The following SCFD2 variants were observed in gnomAD, a reference collection of about 807,000 sequenced individuals.
SCFD2 encodes sec1 family domain-containing protein 2.
Under a neutral mutation model 58.9 loss-of-function variants are expected in SCFD2, and 54 were observed. The ratio of observed to expected loss-of-function variants is 0.92; its 90% confidence interval spans 0.74 to 1.15. SCFD2 has a LOEUF of 1.15. SCFD2 is among the 50% of genes most tolerant of loss of function. The probability of loss-of-function intolerance (pLI) is 0.00; values close to 1 mark genes in which losing one functional copy is unlikely to be tolerated. For missense variants in SCFD2, 805 were observed against 836.6 expected, an observed-to-expected ratio of 0.96 and a Z score of 0.47; for synonymous variants, 321 against 335.9, an observed-to-expected ratio of 0.96 and a Z score of 0.49.
intron 4 of SCFD2, among the ~76,000 whole-genome samples, chr4:53,245,599 G>A (rs1002958509): frequency 6.6e-6 from 1 of 151,998 alleles, no homozygotes; most frequent in Non-Finnish European, 1.5e-5. Flanking sequence ...GGTATTGAAG[G>A]AATATACCTC....
At position 52,959,301 on chromosome 4, in the gene SCFD2, T is replaced by A. The variant is rs977915935; in HGVS notation, c.1562-38431A>T. ...ATAATAGGAGGTTGGGCTGGGTCAG[T>A]GCTCCTCAAAGAGGGATGTATGGGC... On this transcript the variant is annotated intron_variant, in intron 5 of 8. Transcript: ENST00000401642. Among the ~76,000 whole-genome samples the A allele has an allele frequency of 2.6e-5, 4 of 152,230 alleles. No homozygotes were observed. The East Asian group carries it at 7.7e-4, about 29-fold the overall frequency.
intron 5 of SCFD2, among the ~76,000 whole-genome samples, chr4:53,047,785 T>C (rs1383632212): frequency 6.6e-6 from 1 of 152,248 alleles, no homozygotes; most frequent in East Asian, 1.9e-4. Flanking sequence ...GCTAGTTTGT[T>C]TTCCTTAGAG....
intron 5 of SCFD2, among the ~76,000 whole-genome samples, chr4:53,005,531 A>G (rs1721954714): frequency 1.3e-5 from 2 of 152,190 alleles, no homozygotes; most frequent in African/African-American, 4.8e-5. Context: ...TGTAAGCACT[A>G]TAAGATCTTC....
intron 4 of SCFD2, among the ~76,000 whole-genome samples, chr4:53,210,657 A>G (rs1162319172): frequency 6.6e-6 from 1 of 151,922 alleles, no homozygotes; most frequent in African/African-American, 2.4e-5. Context: ...ATTTTTATTA[A>G]TAACGTGCAT....
At chr4:53,247,652 G>T in intron 4 of SCFD2, among the ~76,000 whole-genome samples, 1 of 151,422 alleles carries the variant, frequency 6.6e-6, no homozygotes, top group Non-Finnish European at 1.5e-5. Flanking sequence ...GAGGTCAGGA[G>T]ATCGAGACCA....
At chr4:52,902,241 C>G (rs1719221835) in intron 7 of SCFD2, among the ~76,000 whole-genome samples, 1 of 152,192 alleles carries the variant, frequency 6.6e-6, no homozygotes, top group African/African-American at 2.4e-5. Context: ...CACTGGCTCC[C>G]TACAGTTTGC....
chr4:53,017,517 A>G (rs1722244371), intron 5 of SCFD2, among the ~76,000 whole-genome samples: 1 of 152,200 alleles, frequency 6.6e-6, no homozygotes, highest in Non-Finnish European at 1.5e-5. Flanking sequence ...TGACCCAACT[A>G]TGTTTTATCT....
intron 4 of SCFD2, among the ~76,000 whole-genome samples, chr4:53,185,254 T>C (rs922532889): frequency 1.3e-5 from 2 of 152,018 alleles, no homozygotes; most frequent in African/African-American, 4.8e-5. Flanking sequence ...TGCCCTTAGG[T>C]TGTAGTAAAC....
intron 5 of SCFD2, among the ~76,000 whole-genome samples, chr4:53,090,934 T>C (rs546495426): frequency 7.2e-4 from 109 of 152,264 alleles, no homozygotes; most frequent in Middle Eastern, 3.4e-3. Context: ...CAAGAATTGA[T>C]AACAAACACA....
intron 3 of SCFD2, among the ~76,000 whole-genome samples, chr4:53,300,091 C>T (rs1002574060): frequency 2.6e-5 from 4 of 152,106 alleles, no homozygotes; most frequent in Admixed American, 6.5e-5. Context: ...CAAATTCACA[C>T]ATAACAATAC....
chr4:53,126,070 T>C (rs1725618232), intron 5 of SCFD2, among the ~76,000 whole-genome samples: 2 of 152,206 alleles, frequency 1.3e-5, no homozygotes, highest in South Asian at 4.1e-4. Context: ...GAGTTGAAGT[T>C]GAGCTAAAAC....
chr4:52,902,565 G>C (rs1433598928), intron 7 of SCFD2, among the ~76,000 whole-genome samples: 1 of 152,124 alleles, frequency 6.6e-6, no homozygotes, highest in East Asian at 1.9e-4. Context: ...GGCATACAAG[G>C]GTATTCAAGG....
intron 4 of SCFD2, among the ~76,000 whole-genome samples, chr4:53,183,686 C>G (rs928007721): frequency 3.3e-5 from 5 of 151,020 alleles, no homozygotes; most frequent in African/African-American, 1.2e-4. Flanking sequence ...GAAATGAAAA[C>G]TAACATTTAA....
intron 4 of SCFD2, among the ~76,000 whole-genome samples, chr4:53,211,689 C>T (rs1475924462): frequency 6.6e-6 from 1 of 152,004 alleles, no homozygotes; most frequent in African/African-American, 2.4e-5. Flanking sequence ...GGGGAAAAAT[C>T]CCCACGCATT....
chr4:53,115,253 A>G (rs1725288078), intron 5 of SCFD2, among the ~76,000 whole-genome samples: 1 of 152,152 alleles, frequency 6.6e-6, no homozygotes, highest in Admixed American at 6.6e-5. Flanking sequence ...CAAGAAGGAG[A>G]AAACAGTACA....
intron 4 of SCFD2, among the ~76,000 whole-genome samples, chr4:53,180,760 A>T (rs2148947622): frequency 6.6e-6 from 1 of 152,308 alleles, no homozygotes; most frequent in Non-Finnish European, 1.5e-5. Flanking sequence ...CGCTAGCAAG[A>T]CTAATAAAGA....
intron 5 of SCFD2, among the ~76,000 whole-genome samples, chr4:53,095,519 G>T (rs1724596299): frequency 6.6e-6 from 1 of 152,056 alleles, no homozygotes; most frequent in Non-Finnish European, 1.5e-5. Context: ...CCTAACAAGA[G>T]TCCATGCTCC....
At chr4:53,100,346 G>T (rs1044508742) in intron 5 of SCFD2, among the ~76,000 whole-genome samples, 2 of 152,064 alleles carry the variant, frequency 1.3e-5, no homozygotes, top group African/African-American at 4.8e-5. Flanking sequence ...TGATGGTCCT[G>T]AAGTCAATAA....
At chr4:53,056,122 G>A (rs1490985647) in intron 5 of SCFD2, among the ~76,000 whole-genome samples, 5 of 143,326 alleles carry the variant, frequency 3.5e-5, no homozygotes, top group African/African-American at 7.6e-5. Flanking sequence ...ACTTTGTAAC[G>A]TAGCTTTTTT....
Sources: gnomAD v4.1 joint callset for allele counts (sites outside exome capture counted in the v4.1 genomes callset) on GRCh38, gnomAD v4.1.1 for gene constraint, MANE v1.5 for transcripts, NCBI Gene and HGNC (gene_info 2026-07-23, HGNC 2026-07-21) for gene names.